The following DOCK10 variants were observed in gnomAD, a reference collection of about 807,000 sequenced individuals.
The protein encoded by DOCK10 is dedicator of cytokinesis protein 10.
In DOCK10, 145 loss-of-function variants were observed where a neutral mutation model predicts 280.1. That is an observed-to-expected ratio of 0.52 (90% CI 0.45 to 0.59). The LOEUF (loss-of-function observed/expected upper bound fraction) is 0.59, where lower values mean the gene tolerates loss of function less well. DOCK10 is among the 20% of genes least tolerant of loss of function. The pLI is 0.00. For missense variants in DOCK10, 2,368 were observed against 2,651.7 expected, an observed-to-expected ratio of 0.89 and a Z score of 2.35; for synonymous variants, 915 against 942.2, an observed-to-expected ratio of 0.97 and a Z score of 0.53.
rs869058280 is a variant in DOCK10 at position 224,952,592 on chromosome 2, A to ATT, written c.124-20926_124-20925dup. Among the ~76,000 whole-genome samples, 1,204 of 143,542 alleles carry ATT rather than the reference A, an allele frequency of 8.4e-3. 28 individuals are homozygous for ATT. The highest frequency in any genetic ancestry group is 0.028 in the African/African-American group (1,059 of 38,084). 94.2% of individuals were successfully genotyped at this position (143,542 alleles called of 152,430 possible). A position where few individuals can be genotyped will look rare whatever the true frequency, so the allele number is the denominator to read the frequency against. ...TCCTTTTTAAATGCTCAATTATGTT[A>ATT]TTTTTTTTTTTTTTTTTTGAGACGG... On this transcript the variant is annotated intron_variant, in intron 1 of 55. Coordinates refer to ENST00000258390, the MANE Select transcript of DOCK10 (RefSeq NM_014689.3).
intron 1 of DOCK10, among the ~76,000 whole-genome samples, chr2:224,993,636 C>A (rs143398698): frequency 2.0e-5 from 3 of 152,282 alleles, no homozygotes; most frequent in East Asian, 3.9e-4. Flanking sequence ...ATCTTTTAGG[C>A]AAAGTATTGT....
chr2:224,941,410 T>C (rs796348429), intron 1 of DOCK10, among the ~76,000 whole-genome samples: 5 of 152,316 alleles, frequency 3.3e-5, no homozygotes, highest in African/African-American at 1.2e-4. Context: ...GATTCTGGAA[T>C]AGAGCTGTGA....
intron 3 of DOCK10, among the ~76,000 whole-genome samples, chr2:224,901,679 T>C (rs905075045): frequency 1.8e-4 from 27 of 152,204 alleles, no homozygotes; most frequent in African/African-American, 6.5e-4. Context: ...TCAGAATCTC[T>C]AGAGGGAGTG....
At chr2:224,968,541 A>G (rs1028292213) in intron 1 of DOCK10, among the ~76,000 whole-genome samples, 1 of 152,248 alleles carries the variant, frequency 6.6e-6, no homozygotes, top group Non-Finnish European at 1.5e-5. Context: ...AAATGGTGAT[A>G]ATTTGATATT....
At chr2:224,905,398 C>T (rs924553448) in intron 3 of DOCK10, among the ~76,000 whole-genome samples, 10 of 151,956 alleles carry the variant, frequency 6.6e-5, no homozygotes, top group Non-Finnish European at 1.5e-4. Flanking sequence ...CAGGCGCCCG[C>T]CACCGCGCCC....
rs896503448 is a variant in DOCK10, at chr2:224,834,531, A to T, written c.2851-268T>A. On this transcript the variant is annotated intron_variant, in intron 25 of 55. Transcript: ENST00000258390. Reference sequence around the variant, plus strand: ...AGAGAGCCATTTAGCACGTTCAAGGAAACATGGAGGGCTTTGACCCACCTA... The same window carrying T: ...AGAGAGCCATTTAGCACGTTCAAGGTAACATGGAGGGCTTTGACCCACCTA... Among the ~76,000 whole-genome samples, 4 of 152,286 alleles carry T rather than the reference A, an allele frequency of 2.6e-5. No individual in the cohort carries two copies. In the East Asian group the frequency reaches 7.7e-4, roughly 29 times the overall value.
In DOCK10 at chr2:224,797,058, G is replaced by T; in HGVS notation, c.4733C>A (p.Ser1578Ter). The T allele has an allele frequency of 1.2e-6, 2 of 1,613,644 alleles. No individual in the cohort carries two copies. The highest frequency in any genetic ancestry group is 1.7e-6 in the Non-Finnish European group (2 of 1,179,716). The change falls in exon 43 of 56, where the codon TCA becomes TAA. Residue 1578 changes from serine to a stop codon, truncating the protein, a stop_gained. Coordinates refer to ENST00000258390, the MANE Select transcript of DOCK10 (RefSeq NM_014689.3). LOFTEE classifies it high-confidence loss of function. ...AAGGGCTGAGGCTTCTGTCTGAGTT[G>T]ACCGTGACCTGTGGTTACAGCATTT... The part of the protein sequence containing the change: ...VLKCCNHRSR[S>*]TQTEASALLY...
At chr2:224,916,339 G>A (rs1277691252) in intron 3 of DOCK10, among the ~76,000 whole-genome samples, 1 of 152,200 alleles carries the variant, frequency 6.6e-6, no homozygotes, top group African/African-American at 2.4e-5. Flanking sequence ...TCAAGAGTTC[G>A]AGAGCAGCCT....
intron 50 of DOCK10, among the ~76,000 whole-genome samples, chr2:224,780,242 G>T (rs1691222719): frequency 6.6e-6 from 1 of 152,086 alleles, no homozygotes; most frequent in African/African-American, 2.4e-5. Flanking sequence ...GACTTTGTAG[G>T]GGTAGTGAGG....
At chr2:224,823,893 CAA>C (rs1202415789) in intron 27 of DOCK10, among the ~76,000 whole-genome samples, 1 of 151,988 alleles carries the variant, frequency 6.6e-6, no homozygotes, top group Non-Finnish European at 1.5e-5. Flanking sequence ...TCAATCATAA[CAA>C]ATATTAATTG....
intron 27 of DOCK10, among the ~76,000 whole-genome samples, chr2:224,826,906 T>G (rs1694903747): frequency 6.6e-6 from 1 of 151,486 alleles, no homozygotes; most frequent in Admixed American, 6.6e-5. Context: ...GAGGCTGCAG[T>G]GAGCTATGAT....
At chr2:225,027,016 T>C (rs1372513005) in intron 1 of DOCK10, among the ~76,000 whole-genome samples, 1 of 152,158 alleles carries the variant, frequency 6.6e-6, no homozygotes, top group Non-Finnish European at 1.5e-5. Flanking sequence ...ATACACAACT[T>C]ATAGTCAGCT....
Position 224,852,977 on chromosome 2 carries a change from G to A in DOCK10, c.2034C>T (p.Tyr678=). Residue 678 remains tyrosine (Y), a synonymous_variant, in exon 17 of 56, where the codon TAC becomes TAT. Transcript: ENST00000258390. ...YRVYKNQIYI[Y]PKHLKYDSQK... is the part of the protein sequence containing the mutation. ...GGCTATCATACTTGAGGTGTTTGGGGTAAATATAAATTTGATTTTTATATA... is the reference window on the plus strand; with the variant it reads ...GGCTATCATACTTGAGGTGTTTGGGATAAATATAAATTTGATTTTTATATA... The A allele has an allele frequency of 6.2e-7, 1 of 1,609,230 alleles. No homozygotes were observed. Among genetic ancestry groups the A allele is most frequent in the Non-Finnish European group, 8.5e-7 (1 of 1,177,088 alleles).
chr2:224,827,748 T>C (rs764557033), intron 27 of DOCK10, among the ~76,000 whole-genome samples: 3 of 152,194 alleles, frequency 2.0e-5, no homozygotes, highest in African/African-American at 4.8e-5. Context: ...TAGGAGGCTC[T>C]CATCTCCAGA....
intron 1 of DOCK10, among the ~76,000 whole-genome samples, chr2:225,041,704 G>A (rs1690428140): frequency 6.6e-6 from 1 of 152,186 alleles, no homozygotes; most frequent in South Asian, 2.1e-4. Context: ...TTTACCCTGC[G>A]GTGGGAGGGC....
intron 44 of DOCK10, among the ~76,000 whole-genome samples, chr2:224,795,865 G>C (rs1191188596): frequency 1.3e-5 from 2 of 152,060 alleles, no homozygotes; most frequent in Non-Finnish European, 2.9e-5. Flanking sequence ...GAGTGTCATT[G>C]TATTTCTGGA....
Position 225,042,145 on chromosome 2 carries a change from C to G in DOCK10, c.123+107G>C. On this transcript the variant is annotated intron_variant, in intron 1 of 55. Transcript: ENST00000258390. The surrounding 1 kb of genome is among the most constrained non-coding windows in gnomAD (Gnocchi z 5.1). ...GGGAGGGAGTGCGGAGGAGAGGACCCGTGAGCTGCGGGGACCTGGGCCCGC... is the reference window on the plus strand; with the variant it reads ...GGGAGGGAGTGCGGAGGAGAGGACCGGTGAGCTGCGGGGACCTGGGCCCGC... 1 of 1,165,376 alleles carries G rather than the reference C, an allele frequency of 8.6e-7. No homozygotes were observed. The highest frequency in any genetic ancestry group is 1.1e-6 in the Non-Finnish European group (1 of 934,062). 72.2% of individuals were successfully genotyped at this position (1,165,376 alleles called of 1,614,324 possible).
chr2:225,020,667 T>C (rs1267868492), intron 1 of DOCK10, among the ~76,000 whole-genome samples: 2 of 152,220 alleles, frequency 1.3e-5, no homozygotes, highest in Non-Finnish European at 2.9e-5. Context: ...TTTCTAAAAA[T>C]GCGTTGCAAG....
At chr2:224,796,716 A>T (rs1346588047) in intron 43 of DOCK10, among the ~76,000 whole-genome samples, 2 of 152,172 alleles carry the variant, frequency 1.3e-5, no homozygotes, top group African/African-American at 4.8e-5. Context: ...TGGTTTCCTG[A>T]GTTGTTTACT....
Sources: allele counts gnomAD v4.1 joint callset (sites outside exome capture counted in the v4.1 genomes callset), GRCh38; gene constraint gnomAD v4.1.1; non-coding constraint Gnocchi (gnomAD v3.1); transcripts MANE v1.5; gene names NCBI Gene and HGNC (gene_info 2026-07-23, HGNC 2026-07-21).